Variants in PIGT observed in about 807,000 individuals in gnomAD.
PIGT encodes the protein GPI-anchor transamidase component PIGT.
Under a neutral mutation model 66.7 loss-of-function variants are expected in PIGT, and 57 were observed. The observed-to-expected ratio is 0.86, with a 90% confidence interval of 0.69 to 1.07. The LOEUF is 1.07. Ranked by LOEUF, PIGT falls within the 50% of genes least tolerant of loss-of-function variation. The pLI is 0.00. For synonymous variants in PIGT, 362 were observed against 320.5 expected, an observed-to-expected ratio of 1.13 and a Z score of -1.38; for missense variants, 725 against 740.4, an observed-to-expected ratio of 0.98 and a Z score of 0.24.
At chr20:45,425,447 G>T in intron 11 of PIGT, 127 bp from the exon 12 acceptor site, 4 of 881,234 alleles carry the variant, frequency 4.5e-6, no homozygotes, top group Admixed American at 2.9e-5. Flanking sequence ...GCCTTCTGTT[G>T]AAAGGTTTTG....
intron 4 of PIGT, 31 bp downstream of exon 4, chr20:45,419,426 G>C: frequency 5.4e-6 from 8 of 1,493,680 alleles, no homozygotes; most frequent in Non-Finnish European, 7.1e-6. Context: ...AGCCGGGGGC[G>C]GGGGGTGTAT....
In PIGT at chr20:45,420,416, C is replaced by G; in HGVS notation, c.854C>G (p.Thr285Ser). 6.2e-7 allele frequency: 1 copy of G among 1,613,306 alleles called. No individual in the cohort carries two copies. Among genetic ancestry groups the G allele is most frequent in the Non-Finnish European group, 8.5e-7 (1 of 1,179,616 alleles). Residue 285 changes from threonine to serine, a missense_variant, in exon 7 of 12, where the codon ACC becomes AGC. By Grantham distance (58) the Thr-to-Ser change is moderately conservative. Transcript: ENST00000279036. ...GAGAGCCGAGTCTATGTGGACATCACCACCTACAACCAGGTAACAAGGTCT... is the reference window on the plus strand; with the variant it reads ...GAGAGCCGAGTCTATGTGGACATCAGCACCTACAACCAGGTAACAAGGTCT... ...ASESRVYVDI[T>S]TYNQDNETLE... is the part of the protein sequence containing the mutation.
rs754374347 is a variant in PIGT, at chr20:45,425,781, G to T, written c.1692G>T (p.Arg564=). ...EEPRTGGLAK[R]LANLIRRARG... is the part of the protein sequence containing the mutation. ...CCCGCACAGGTGGCCTGGCCAAGCG[G>T]CTGGCCAACCTTATCCGGCGCGCCC... is the stretch of plus-strand genomic sequence containing the variant. Residue 564 remains arginine (R), a synonymous_variant, in exon 12 of 12, where the codon CGG becomes CGT. Transcript: ENST00000279036. The T allele has an allele frequency of 1.5e-5, 24 of 1,613,876 alleles. No homozygotes were observed. The highest frequency in any genetic ancestry group is 5.0e-5 in the Admixed American group (3 of 60,018).
In PIGT at chr20:45,424,428, T is replaced by G. The variant is rs541983623; in HGVS notation, c.1400+47T>G. ...CACCTCTCATCCCCCTGACCTACCCTTTCTGCTGCTTACCCCTTGATAGGG... is the reference window on the plus strand; with the variant it reads ...CACCTCTCATCCCCCTGACCTACCCGTTCTGCTGCTTACCCCTTGATAGGG... On this transcript the variant is annotated intron_variant, in intron 10 of 11. Transcript: ENST00000279036. The G allele has an allele frequency of 2.5e-5, 40 of 1,613,446 alleles. No homozygotes were observed. The African/African-American group carries it at 5.2e-4, about 21-fold the overall frequency.
rs756531052 is a variant in PIGT, at chr20:45,420,235, T to G, written c.769+12T>G. The G allele has an allele frequency of 6.2e-7, 1 of 1,605,792 alleles. No individual in the cohort carries two copies. Among genetic ancestry groups the G allele is most frequent in the South Asian group, 1.1e-5 (1 of 89,894 alleles). On this transcript the variant is annotated intron_variant, in intron 6 of 11. Coordinates refer to ENST00000279036, the MANE Select transcript of PIGT (RefSeq NM_015937.6). ...GCAGGGAAAGAAAGGTAAGTTACCT[T>G]GGCAACTCATCTGTACCCACCCATG...
chr20:45,420,878 G>A, intron 8 of PIGT, 185 bp downstream of exon 8: 1 of 621,126 alleles, frequency 1.6e-6, no homozygotes, highest in Non-Finnish European at 2.9e-6. Context: ...CCAAGCTTCA[G>A]CATCCACATC....
chr20:45,425,127 CTCTTTCTT>C (rs34888279), intron 11 of PIGT: 1 of 127,584 alleles, frequency 7.8e-6, no homozygotes, highest in African/African-American at 3.1e-5. Flanking sequence ...TCCTTTCTCT[CTCTTTCTT>C]TCTTTCTCTT....
Position 45,424,254 on chromosome 20 carries a change from CCCCACCT to C in PIGT, c.1276_1282del (p.His426TrpfsTer4). ...CCAGCCTGCCCAGGACCGGCTGCAA[CCCCACCT>C]CCTGGAGATGCTGATTCAGCTGCCG... On this transcript the variant is annotated frameshift_variant, in exon 10 of 12. Coordinates refer to ENST00000279036, the MANE Select transcript of PIGT (RefSeq NM_015937.6). LOFTEE classifies it high-confidence loss of function. 6.2e-7 allele frequency: 1 copy of C among 1,614,162 alleles called. No homozygotes were observed. Among genetic ancestry groups the C allele is most frequent in the Non-Finnish European group, 8.5e-7 (1 of 1,180,012 alleles).
At chr20:45,416,963 G>T in intron 2 of PIGT, 1 of 337,714 alleles carries the variant, frequency 3.0e-6, no homozygotes. Flanking sequence ...GTAGAAAACT[G>T]GCAACTGGAT....
chr20:45,419,732 C>T lies in PIGT; in HGVS notation c.681+142C>T, dbSNP rs1990229477. The T allele has an allele frequency of 1.0e-5, 7 of 681,340 alleles. No homozygotes were observed. In the South Asian group the frequency reaches 1.2e-4, roughly 12 times the overall value. 42.2% of individuals were successfully genotyped at this position (681,340 alleles called of 1,614,324 possible). On this transcript the variant is annotated intron_variant, in intron 5 of 11. Transcript: ENST00000279036. ...GGTTATTCAGGGCATTGGCCAAGCA[C>T]CAAGAAAACAGTGGTTGCCTAGCAA...
rs555465274 is a variant in PIGT, at chr20:45,420,239, A to C, written c.769+16A>C. 1 of 1,605,220 alleles carries C rather than the reference A, an allele frequency of 6.2e-7. No homozygotes were observed. The highest frequency in any genetic ancestry group is 1.7e-5 in the Admixed American group (1 of 59,350). The stretch of plus-strand genomic sequence containing the variant: ...GGAAAGAAAGGTAAGTTACCTTGGC[A>C]ACTCATCTGTACCCACCCATGCCAG... On this transcript the variant is annotated intron_variant, in intron 6 of 11. Transcript: ENST00000279036.
In PIGT at chr20:45,426,094, G is replaced by A. The variant is rs1990726996; in HGVS notation, c.*268G>A. 2 of 529,484 alleles carry A rather than the reference G, an allele frequency of 3.8e-6. No individual in the cohort carries two copies. Among genetic ancestry groups the A allele is most frequent in the Non-Finnish European group, 6.8e-6 (2 of 295,674 alleles). The allele number at this position is 529,484 out of a possible 1,614,324, so 32.8% of individuals were successfully genotyped here. ...TAAGCAAAAGTGGTCGGTGGCTGCT[G>A]TATTGGACAGCACAGAAAAAGATTT... On this transcript the variant is annotated 3_prime_UTR_variant, in exon 12 of 12. Transcript: ENST00000279036.
At chr20:45,423,895 T>C (rs770836330) in intron 9 of PIGT, 2 of 335,998 alleles carry the variant, frequency 6.0e-6, no homozygotes, top group Non-Finnish European at 1.1e-5. Flanking sequence ...GCAAGAAAAA[T>C]TCCCAGGTGG....
chr20:45,419,118 C>A, intron 3 of PIGT, 139 bp downstream of exon 3: 2 of 1,173,450 alleles, frequency 1.7e-6, no homozygotes, highest in Non-Finnish European at 2.5e-6. Context: ...CAATACTGTG[C>A]CATCTCTGCA....
chr20:45,421,492 C>G lies in PIGT; in HGVS notation c.1143C>G (p.Phe381Leu), dbSNP rs747811302. ...ACAACACCCACCCATACCGGGCCTT[C>G]CCGGTGCTGCTGCTGGACACCGTAC... ...LLYNTHPYRA[F>L]PVLLLDTVPW... Residue 381 changes from phenylalanine to leucine, a missense_variant, in exon 9 of 12, where the codon TTC becomes TTG. This residue lies in a region of PIGT where 559 missense variants were observed against 552.7 expected (regional missense o/e 1.01). Transcript: ENST00000279036. 1.6e-5 allele frequency: 26 copies of G among 1,614,184 alleles called. No individual in the cohort carries two copies. Among genetic ancestry groups the G allele is most frequent in the Non-Finnish European group, 2.0e-5 (24 of 1,180,020 alleles).
chr20:45,416,676 T>A lies in PIGT; in HGVS notation c.347T>A (p.Phe116Tyr), dbSNP rs534024741. Residue 116 changes from phenylalanine to tyrosine, a missense_variant, in exon 2 of 12, where the codon TTC becomes TAC. Physicochemically the swap from Phe to Tyr is conservative, Grantham distance 22. Around this residue, in one of 3 missense-constraint regions of PIGT, gnomAD observed 559 missense variants for 552.7 expected, o/e 1.01. Coordinates refer to ENST00000279036, the MANE Select transcript of PIGT (RefSeq NM_015937.6). ...APSGAELWVW[F>Y]QDTVTDVDKS... ...TCAGGTGCAGAGCTGTGGGTCTGGTTCCAAGACACTGTCACTGAGTGAGTG... is the reference window on the plus strand; with the variant it reads ...TCAGGTGCAGAGCTGTGGGTCTGGTACCAAGACACTGTCACTGAGTGAGTG... 3.2e-5 allele frequency: 51 copies of A among 1,613,436 alleles called. 1 individual carries two copies. The Middle Eastern group carries it at 6.6e-4, about 21-fold the overall frequency.
Position 45,425,640 on chromosome 20 carries a change from G to C in PIGT, c.1551G>C (p.Leu517=). Residue 517 remains leucine, a synonymous_variant, in exon 12 of 12, where the codon CTG becomes CTC. Coordinates refer to ENST00000279036, the MANE Select transcript of PIGT (RefSeq NM_015937.6). Reference sequence around the variant, plus strand: ...ACACGGAGCCGCTGCTGGTGAACCTGCCGACACCGGACTTCAGCATGCCCT... The same window carrying C: ...ACACGGAGCCGCTGCTGGTGAACCTCCCGACACCGGACTTCAGCATGCCCT... ...RLYTEPLLVN[L]PTPDFSMPYN... The C allele has an allele frequency of 6.2e-7, 1 of 1,614,106 alleles. No individual in the cohort carries two copies.
intron 2 of PIGT, chr20:45,417,003 T>C (rs1268353299): frequency 4.4e-6 from 1 of 228,582 alleles, no homozygotes; most frequent in African/African-American, 2.3e-5. Flanking sequence ...ATTAATATTT[T>C]TTAAATGATA....
At chr20:45,425,064 A>G (rs913284593) in intron 11 of PIGT, 1 of 160,636 alleles carries the variant, frequency 6.2e-6, no homozygotes, top group Non-Finnish European at 1.4e-5. Flanking sequence ...GAAGCAACCA[A>G]GCAAAGGCGG....
Sources: gnomAD v4.1 joint callset for allele counts on GRCh38, gnomAD v4.1.1 for gene constraint, gnomAD v4.1.1 regional missense constraint, MANE v1.5 for transcripts, NCBI Gene and HGNC (gene_info 2026-07-23, HGNC 2026-07-21) for gene names.